TNFSF4: variants seen among roughly 807,000 people sequenced by gnomAD.
TNFSF4 encodes TNF superfamily member 4.
Under a neutral mutation model 7.3 loss-of-function variants are expected in TNFSF4, and 4 were observed. The ratio of observed to expected loss-of-function variants is 0.55; its 90% confidence interval spans 0.27 to 1.25. The LOEUF (loss-of-function observed/expected upper bound fraction) is 1.25. Among genes scored for constraint, TNFSF4 ranks in the 50% most tolerant of loss-of-function variants. The pLI is 0.12. For missense variants in TNFSF4, 181 were observed against 208.8 expected (o/e 0.87, Z 0.82); for synonymous variants, 76 against 83.7 (o/e 0.91, Z 0.50).
the TNFSF4 span, among the ~76,000 whole-genome samples, chr1:173,403,101 C>T: frequency 6.6e-6 from 1 of 152,198 alleles, no homozygotes; most frequent in African/African-American, 2.4e-5. Context: ...ACCCTCCAGC[C>T]TCAGCCTCCC....
the TNFSF4 span, among the ~76,000 whole-genome samples, chr1:173,309,821 T>C: frequency 6.6e-6 from 1 of 151,926 alleles, no homozygotes; most frequent in Admixed American, 6.6e-5. Context: ...AATTTTTTAA[T>C]GAAAATATTT....
rs188316978 is a variant in TNFSF4, at chr1:173,206,287, A to T, written c.153+737T>A. ...GTTTGTATATCTGAACTACTGAATA[A>T]GAAAAAATAATGCAAAAGAGAGAAG... On this transcript the variant is annotated intron_variant, in intron 1 of 2. Coordinates refer to ENST00000281834, the MANE Select transcript of TNFSF4 (RefSeq NM_003326.5). Among the ~76,000 whole-genome samples, 524 of 152,344 alleles carry T rather than the reference A, an allele frequency of 3.4e-3. 4 individuals are homozygous for T. Among genetic ancestry groups the T allele is most frequent in the Non-Finnish European group, 5.4e-3 (370 of 68,032 alleles).
chr1:173,177,275 A>G, the TNFSF4 span, among the ~76,000 whole-genome samples: 1 of 152,214 alleles, frequency 6.6e-6, no homozygotes, highest in Non-Finnish European at 1.5e-5. Flanking sequence ...AAAAAGAACA[A>G]GATCATGTCC....
the TNFSF4 span, among the ~76,000 whole-genome samples, chr1:173,285,312 A>T: frequency 6.6e-6 from 1 of 152,168 alleles, no homozygotes; most frequent in East Asian, 1.9e-4. Context: ...TTGCTTCCTC[A>T]TTCATAGGAA....
the TNFSF4 span, among the ~76,000 whole-genome samples, chr1:173,367,781 A>T: frequency 3.3e-5 from 5 of 152,094 alleles, no homozygotes; most frequent in African/African-American, 1.2e-4. Flanking sequence ...CTGTCTAAAA[A>T]TTCCCCAATG....
At position 173,200,808 on chromosome 1, in the gene TNFSF4, CT is replaced by C. The variant is rs574697283; in HGVS notation, c.153+6215del. Among the ~76,000 whole-genome samples the C allele has an allele frequency of 2.1e-3, 319 of 152,306 alleles. 4 individuals carry two copies. In the South Asian group the frequency reaches 0.037, roughly 17 times the overall value. On this transcript the variant is annotated intron_variant, in intron 1 of 2. Transcript: ENST00000281834. Reference sequence around the variant, plus strand: ...ACTTCCCCACCTGTACAATATAGTACTTTGGGAATGAAGGCTCTCTAACCAC... The same window carrying C: ...ACTTCCCCACCTGTACAATATAGTACTTGGGAATGAAGGCTCTCTAACCAC...
chr1:173,338,491 T>C, the TNFSF4 span, among the ~76,000 whole-genome samples: 2 of 151,986 alleles, frequency 1.3e-5, no homozygotes, highest in South Asian at 4.1e-4. Flanking sequence ...GACAGAATGG[T>C]AGAATGACTT....
chr1:173,330,175 A>G, the TNFSF4 span, among the ~76,000 whole-genome samples: 1 of 152,190 alleles, frequency 6.6e-6, no homozygotes, highest in African/African-American at 2.4e-5. Context: ...AAATGTTCAT[A>G]ACTGTTCAAA....
At chr1:173,285,778 A>C in the TNFSF4 span, among the ~76,000 whole-genome samples, 6 of 152,210 alleles carry the variant, frequency 3.9e-5, no homozygotes, top group African/African-American at 1.4e-4. Context: ...ATGCTATTGC[A>C]CACAGTAGGC....
the TNFSF4 span, among the ~76,000 whole-genome samples, chr1:173,249,165 T>G: frequency 6.6e-5 from 10 of 152,202 alleles, no homozygotes; most frequent in African/African-American, 2.2e-4. Context: ...CTGGGACAAC[T>G]GAATTCATGA....
chr1:173,408,105 G>T, the TNFSF4 span, among the ~76,000 whole-genome samples: 1 of 152,124 alleles, frequency 6.6e-6, no homozygotes, highest in East Asian at 1.9e-4. Flanking sequence ...CACTTCTGTT[G>T]TTTATAAGCT....
At chr1:173,260,358 G>C in the TNFSF4 span, among the ~76,000 whole-genome samples, 2 of 152,026 alleles carry the variant, frequency 1.3e-5, no homozygotes, top group Non-Finnish European at 2.9e-5. Context: ...ATATGGAAAG[G>C]AAAAACCATT....
the TNFSF4 span, among the ~76,000 whole-genome samples, chr1:173,421,626 C>T: frequency 1.4e-4 from 22 of 152,106 alleles, no homozygotes; most frequent in Non-Finnish European, 2.6e-4. Flanking sequence ...GACAAATTCT[C>T]ATGACTGATT....
At chr1:173,281,035 A>G in the TNFSF4 span, among the ~76,000 whole-genome samples, 1 of 152,204 alleles carries the variant, frequency 6.6e-6, no homozygotes, top group South Asian at 2.1e-4. Flanking sequence ...AAGAGATAAA[A>G]TCAGTGTTGA....
chr1:173,332,166 G>A, the TNFSF4 span, among the ~76,000 whole-genome samples: 1 of 152,158 alleles, frequency 6.6e-6, no homozygotes, highest in Non-Finnish European at 1.5e-5. Context: ...ATGCCTGAAT[G>A]ACTGTAATCC....
At chr1:173,265,054 C>T in the TNFSF4 span, among the ~76,000 whole-genome samples, 1 of 152,284 alleles carries the variant, frequency 6.6e-6, no homozygotes, top group East Asian at 1.9e-4. Context: ...AAACAAAAAA[C>T]CTTAAGAAGG....
upstream of TNFSF4, among the ~76,000 whole-genome samples, chr1:173,211,094 T>C (rs1484040092): frequency 6.6e-6 from 1 of 152,192 alleles, no homozygotes; most frequent in Non-Finnish European, 1.5e-5. Context: ...GGTCCTAAAC[T>C]AAAGCAGGGA....
chr1:173,407,010 T>G, the TNFSF4 span, among the ~76,000 whole-genome samples: 1 of 152,002 alleles, frequency 6.6e-6, no homozygotes, highest in Non-Finnish European at 1.5e-5. Context: ...CAAGGCAGGA[T>G]ATTACAGCAG....
the TNFSF4 span, among the ~76,000 whole-genome samples, chr1:173,261,850 C>CA: frequency 5.6e-5 from 8 of 142,532 alleles, no homozygotes; most frequent in East Asian, 6.2e-4. Context: ...ACCTACCAAC[C>CA]AAAAAAAAAG....
Sources: allele counts gnomAD v4.1 joint callset (sites outside exome capture counted in the v4.1 genomes callset), GRCh38; gene constraint gnomAD v4.1.1; transcripts MANE v1.5; gene names NCBI Gene and HGNC (gene_info 2026-07-23, HGNC 2026-07-21).